RAPGEF3: variants seen among roughly 807,000 people sequenced by gnomAD.
The protein encoded by RAPGEF3 is Rap guanine nucleotide exchange factor 3.
A neutral mutation model predicts 129.8 loss-of-function variants in RAPGEF3; 103 were observed. The observed-to-expected ratio is 0.79, with a 90% CI of 0.68 to 0.93. RAPGEF3 has a LOEUF of 0.93. Among genes scored for constraint, RAPGEF3 ranks in the 40% least tolerant of loss-of-function variants. The pLI is 0.00. For missense variants in RAPGEF3, 1,117 were observed against 1,207.4 expected, an observed-to-expected ratio of 0.93 and a Z score of 1.11; for synonymous variants, 436 against 482.6, an observed-to-expected ratio of 0.90 and a Z score of 1.26.
intron 6 of RAPGEF3, 115 bp downstream of exon 6, chr12:47,750,933 G>A: frequency 6.9e-7 from 1 of 1,448,374 alleles, no homozygotes; most frequent in East Asian, 2.5e-5. Context: ...GGGCCAGCCA[G>A]GTTCCCTTCC....
intron 12 of RAPGEF3, 136 bp from the exon 13 acceptor site, chr12:47,748,288 AGT>A: frequency 1.0e-6 from 1 of 958,806 alleles, no homozygotes; most frequent in Non-Finnish European, 1.6e-6. Flanking sequence ...CCCCTGTGAT[AGT>A]GCTCCCCACT....
chr12:47,748,277 G>GCCC (rs1009699731), intron 12 of RAPGEF3, 125 bp from the exon 13 acceptor site: 1 of 1,001,234 alleles, frequency 1.0e-6, no homozygotes, highest in African/African-American at 1.6e-5. Context: ...GCAGTGTCCA[G>GCCC]CCCCTGTGAT....
Position 47,749,443 on chromosome 12 carries a change from C to T in RAPGEF3, c.988G>A (p.Asp330Asn), listed in dbSNP as rs201965876. Residue 330 changes from aspartate (D) to asparagine (N), a missense_variant, in exon 10 of 28, where the codon GAC becomes AAC. Asp to Asn is a conservative substitution (Grantham distance 23, BLOSUM62 1). Coordinates refer to ENST00000449771, the MANE Select transcript of RAPGEF3 (RefSeq NM_001098531.4). This position sits in a 1 kb window ranked among gnomAD's most constrained non-coding sequence, Gnocchi z 4.5. ...PRAATIILRE[D>N]NCHFLRVDKQ... ...TCCACACGCAGGAAATGACAGTTGT[C>T]TTCTCGCAGGATGATGGTGGCTGCC... The T allele has an allele frequency of 9.3e-6, 15 of 1,613,480 alleles. No individual in the cohort carries two copies. In the African/African-American group the frequency reaches 1.9e-4, roughly 20 times the overall value.
In RAPGEF3 at chr12:47,748,484, C is replaced by G; in HGVS notation, c.1213G>C (p.Gly405Arg). ...KILELLLEAM[G>R]PDSSAHDPTE... ...GGGTCATGAGCACTGGAATCTGGTC[C>G]CATGGCCTCCAACAGAAGCTCTAGG... Residue 405 changes from glycine to arginine, a missense_variant, in exon 12 of 28, where the codon GGA becomes CGA. Coordinates refer to ENST00000449771, the MANE Select transcript of RAPGEF3 (RefSeq NM_001098531.4). The G allele has an allele frequency of 6.2e-7, 1 of 1,613,856 alleles. No homozygotes were observed. The highest frequency in any genetic ancestry group is 8.5e-7 in the Non-Finnish European group (1 of 1,179,948).
chr12:47,758,667 C>A lies in RAPGEF3; in HGVS notation c.-111G>T. 6.4e-7 allele frequency: 1 copy of A among 1,560,186 alleles called. No homozygotes were observed. The highest frequency in any genetic ancestry group is 1.2e-5 in the South Asian group (1 of 84,126). ...ATCCGGAGGGTGCCAGTGGGTAAGT[C>A]CAGGTACAGTGAACTGGGCCAGTGC... On this transcript the variant is annotated 5_prime_UTR_variant, in exon 1 of 28. Coordinates refer to ENST00000449771, the MANE Select transcript of RAPGEF3 (RefSeq NM_001098531.4).
chr12:47,740,297 A>C lies in RAPGEF3; in HGVS notation c.2322+8T>G. On this transcript the variant is annotated splice_region_variant and intron_variant, in intron 22 of 27. Transcript: ENST00000449771. The stretch of plus-strand genomic sequence containing the variant: ...ACCTCAGGAGGGGGCCCTCCAGACC[A>C]CACTTACCTCCCAGGTGTGGGCTAG... The C allele has an allele frequency of 6.2e-7, 1 of 1,613,920 alleles. No individual in the cohort carries two copies.
chr12:47,746,184 G>T (rs1385273327), intron 16 of RAPGEF3: 5 of 181,668 alleles, frequency 2.8e-5, no homozygotes, highest in Non-Finnish European at 5.7e-5. Flanking sequence ...AAGTGCAAAG[G>T]CCCTGAGGGG....
In RAPGEF3 at chr12:47,741,505, C is replaced by G; in HGVS notation, c.1923G>C (p.Leu641=). 1.2e-6 allele frequency: 2 copies of G among 1,613,756 alleles called. No homozygotes were observed. The highest frequency in any genetic ancestry group is 1.7e-6 in the Non-Finnish European group (2 of 1,179,660). The change falls in exon 19 of 28, where the codon CTG becomes CTC. Residue 641 remains leucine (L), a splice_region_variant and synonymous_variant. Transcript: ENST00000449771. ...FVVNPQEVHE[L]IPHPDQLGPT... The stretch of plus-strand genomic sequence containing the variant: ...CCCTGGCACCCTGCCTGGTCCCTAC[C>G]AGCTCATGCACTTCCTGTGGGTTGA...
rs780266532 is a variant in RAPGEF3 at position 47,749,421 on chromosome 12, A to T, written c.1010T>A (p.Val337Glu). The change falls in exon 10 of 28, where the codon GTG (valine) becomes GAG (glutamate). Residue 337 changes from valine to glutamate, a missense_variant. This residue lies in a region of RAPGEF3 where 107 missense variants were observed against 160.7 expected (regional missense o/e 0.67). Transcript: ENST00000449771. The surrounding 1 kb of genome is among the most constrained non-coding windows in gnomAD (Gnocchi z 4.5). Reference sequence around the variant, plus strand: ...GATACGGTTGAAGTCCTGCTTGTCCACACGCAGGAAATGACAGTTGTCTTC... The same window carrying T: ...GATACGGTTGAAGTCCTGCTTGTCCTCACGCAGGAAATGACAGTTGTCTTC... ...LREDNCHFLR[V>E]DKQDFNRIIK... The T allele has an allele frequency of 6.2e-7, 1 of 1,613,148 alleles. No homozygotes were observed.
rs936654684 is a variant in RAPGEF3, at chr12:47,736,072, G to A, written c.*1495C>T. 9 of 152,280 alleles carry A rather than the reference G, an allele frequency of 5.9e-5. No homozygotes were observed. The highest frequency in any genetic ancestry group is 5.9e-4 in the Admixed American group (9 of 15,284). The allele number at this position is 152,280 out of a possible 1,614,324, so 9.4% of individuals were successfully genotyped here. ...GGCTGTCACCTCTGCTACAGAGGCA[G>A]GAGCTACAGTTTTATGTGTTTGTCA... On this transcript the variant is annotated 3_prime_UTR_variant, in exon 28 of 28. Transcript: ENST00000449771.
Position 47,741,198 on chromosome 12 carries a change from G to A in RAPGEF3, c.1924-158C>T, listed in dbSNP as rs527646089. ...AGGGTCTCTAGGGGCTATAGCAGCTGGAGGATAGGGCTCCCCAGTGCTGAG... is the reference window on the plus strand; with the variant it reads ...AGGGTCTCTAGGGGCTATAGCAGCTAGAGGATAGGGCTCCCCAGTGCTGAG... On this transcript the variant is annotated intron_variant, in intron 19 of 27. Coordinates refer to ENST00000449771, the MANE Select transcript of RAPGEF3 (RefSeq NM_001098531.4). The A allele has an allele frequency of 2.3e-5, 22 of 966,870 alleles. No homozygotes were observed. The East Asian group carries it at 5.5e-4, about 24-fold the overall frequency. The allele number at this position is 966,870 out of a possible 1,614,324, so 59.9% of individuals were successfully genotyped here.
intron 23 of RAPGEF3, chr12:47,739,559 T>A (rs1477809121): frequency 2.0e-6 from 1 of 512,386 alleles, no homozygotes; most frequent in Non-Finnish European, 3.6e-6. Context: ...CTCCTTTGAA[T>A]CCCTTGAGCC....
intron 18 of RAPGEF3, 58 bp downstream of exon 18, chr12:47,743,472 C>G (rs989953670): frequency 4.5e-6 from 7 of 1,561,402 alleles, no homozygotes; most frequent in Non-Finnish European, 6.1e-6. Context: ...ACTGGGGGAC[C>G]TGGGCGCAGA....
rs377522593 is a variant in RAPGEF3, at chr12:47,740,689, G to C, written c.2184C>G (p.Pro728=). 12 of 1,613,718 alleles carry C rather than the reference G, an allele frequency of 7.4e-6. No individual in the cohort carries two copies. The highest frequency in any genetic ancestry group is 1.0e-5 in the Non-Finnish European group (12 of 1,179,968). Residue 728 remains proline (P), a synonymous_variant, in exon 21 of 28, where the codon CCC becomes CCG. Coordinates refer to ENST00000449771, the MANE Select transcript of RAPGEF3 (RefSeq NM_001098531.4). ...TCCTGAGCAGCTGGGCCCGGGGGCC[G>C]GGCACGGGGCAGAGACACAGCTCGG... ...VATELCLCPV[P]GPRAQLLRKF... is the part of the protein sequence containing the mutation.
chr12:47,751,857 C>G, intron 3 of RAPGEF3, 28 bp from the exon 4 acceptor site: 1 of 1,614,152 alleles, frequency 6.2e-7, no homozygotes, highest in Non-Finnish European at 8.5e-7. Context: ...CACAGCAGTT[C>G]AGGCTCTGAA....
chr12:47,740,565 C>G (rs779501162), intron 21 of RAPGEF3, 77 bp downstream of exon 21: 13 of 1,561,734 alleles, frequency 8.3e-6, no homozygotes, highest in Non-Finnish European at 1.1e-5. Flanking sequence ...TGGCAACATA[C>G]TAAGCAAAGA....
chr12:47,743,523 A>G lies in RAPGEF3; in HGVS notation c.1825+7T>C, dbSNP rs2136756419. The G allele has an allele frequency of 6.2e-7, 1 of 1,612,424 alleles. No individual in the cohort carries two copies. The highest frequency in any genetic ancestry group is 1.3e-5 in the African/African-American group (1 of 75,052). On this transcript the variant is annotated splice_region_variant and intron_variant, in intron 18 of 27. Transcript: ENST00000449771. ...TCCCTTGGGGTCTATCCAGGGGCAC[A>G]ACTCACCACCTGCAGAATTGACCTT...
intron 25 of RAPGEF3, 64 bp from the exon 26 acceptor site, chr12:47,738,311 C>A: frequency 6.3e-7 from 1 of 1,592,644 alleles, no homozygotes; most frequent in Non-Finnish European, 8.6e-7. Context: ...CCCTGTGCAG[C>A]AGCAGGGAGG....
chr12:47,750,234 AGATGGAAGTG>A, intron 7 of RAPGEF3, 97 bp downstream of exon 7: 1 of 1,272,936 alleles, frequency 7.9e-7, no homozygotes, highest in Non-Finnish European at 1.1e-6. Flanking sequence ...TTCCAGCCAT[AGATGGAAGTG>A]GAGAAATGCC....
Sources: gnomAD v4.1 joint callset for allele counts on GRCh38, gnomAD v4.1.1 for gene constraint, gnomAD v4.1.1 regional missense constraint, Gnocchi (gnomAD v3.1) non-coding constraint, MANE v1.5 for transcripts, NCBI Gene and HGNC (gene_info 2026-07-23, HGNC 2026-07-21) for gene names.